The following NEURL1 variants were observed in gnomAD, a reference collection of about 807,000 sequenced individuals.
NEURL1 encodes E3 ubiquitin-protein ligase NEURL1.
NEURL1 carries 26 observed loss-of-function variants against 41.2 expected under a neutral mutation model. The observed-to-expected ratio is 0.63, with a 90% CI of 0.46 to 0.87. The LOEUF (loss-of-function observed/expected upper bound fraction) is 0.87. Ranked by LOEUF, NEURL1 falls within the 40% of genes least tolerant of loss-of-function variation. The probability of loss-of-function intolerance (pLI) is 0.00; values close to 1 mark genes in which losing one functional copy is unlikely to be tolerated. For missense variants in NEURL1, 761 were observed against 871.1 expected (o/e 0.87, Z 1.59); for synonymous variants, 400 against 402.3 (o/e 0.99, Z 0.07).
intron 4 of NEURL1, among the ~76,000 whole-genome samples, chr10:103,586,218 A>G (rs1403733249): frequency 6.6e-6 from 1 of 152,138 alleles, no homozygotes; most frequent in African/African-American, 2.4e-5. Flanking sequence ...TTTGGTGTAG[A>G]GTTTTTCCAT....
At position 103,534,386 on chromosome 10, in the gene NEURL1, C is replaced by G. The variant is rs2034648414; in HGVS notation, c.86-36486C>G. On this transcript the variant is annotated intron_variant, in intron 1 of 5. Transcript: ENST00000369780. ...TGTACATCTAGTGGATCAATCACCTCTTCCATTTTAGAATGGCTTTTGTAG... is the reference window on the plus strand; with the variant it reads ...TGTACATCTAGTGGATCAATCACCTGTTCCATTTTAGAATGGCTTTTGTAG... Among the ~76,000 whole-genome samples, 4 of 152,166 alleles carry G rather than the reference C, an allele frequency of 2.6e-5. 1 individual carries two copies. The South Asian group carries it at 8.3e-4, about 31-fold the overall frequency.
intron 2 of NEURL1, 28 bp downstream of exon 2, chr10:103,571,141 G>A (rs774208188): frequency 3.2e-5 from 49 of 1,532,418 alleles, no homozygotes; most frequent in Admixed American, 8.6e-5. Flanking sequence ...CCCCGCCCCC[G>A]CCTCCTGCTT....
intron 3 of NEURL1, among the ~76,000 whole-genome samples, chr10:103,581,681 T>C (rs1365740687): frequency 6.6e-6 from 1 of 152,174 alleles, no homozygotes; most frequent in African/African-American, 2.4e-5. Flanking sequence ...ATTAGAAGTA[T>C]AGCATATATA....
intron 1 of NEURL1, among the ~76,000 whole-genome samples, chr10:103,560,033 A>C (rs1006214572): frequency 3.9e-5 from 6 of 151,994 alleles, no homozygotes; most frequent in Admixed American, 1.3e-4. Context: ...ACACAAGTGC[A>C]CACATAAACA....
Position 103,533,961 on chromosome 10 carries a change from G to A in NEURL1, c.86-36911G>A, listed in dbSNP as rs146229338. On this transcript the variant is annotated intron_variant, in intron 1 of 5. Transcript: ENST00000369780. The stretch of plus-strand genomic sequence containing the variant: ...GCTGGGATTACAGGCGTGAACCACC[G>A]CGCCTAGCTCAAATGACCTACCTTT... Among the ~76,000 whole-genome samples the A allele has an allele frequency of 4.9e-3, 738 of 152,108 alleles. 3 individuals are homozygous for A. Among genetic ancestry groups the A allele is most frequent in the African/African-American group, 0.017 (687 of 41,520 alleles).
intron 1 of NEURL1, chr10:103,494,701 A>C (rs896786161): frequency 1.1e-5 from 6 of 535,506 alleles, no homozygotes; most frequent in Non-Finnish European, 2.0e-5. Context: ...TGGGAACGTC[A>C]CTGGAGTCCC....
intron 1 of NEURL1, among the ~76,000 whole-genome samples, chr10:103,514,645 CT>C (rs1380260095): frequency 2.0e-5 from 3 of 152,206 alleles, no homozygotes; most frequent in African/African-American, 7.2e-5. Context: ...GGAGTAGCCC[CT>C]GGCACTGTGG....
intron 1 of NEURL1, among the ~76,000 whole-genome samples, chr10:103,535,282 G>T (rs557287506): frequency 1.3e-5 from 2 of 152,246 alleles, no homozygotes; most frequent in African/African-American, 4.8e-5. Flanking sequence ...ACTCTAGAGG[G>T]CTAGCCCAGC....
At chr10:103,511,380 C>T (rs1307467490) in intron 1 of NEURL1, among the ~76,000 whole-genome samples, 1 of 152,194 alleles carries the variant, frequency 6.6e-6, no homozygotes, top group African/African-American at 2.4e-5. Context: ...AACCCACATG[C>T]TGACGCTGGT....
chr10:103,511,469 C>T (rs1335930269), intron 1 of NEURL1, among the ~76,000 whole-genome samples: 1 of 152,200 alleles, frequency 6.6e-6, no homozygotes, highest in African/African-American at 2.4e-5. Context: ...GAAAGGTAGG[C>T]AGGATAGAAT....
rs1258964424 is a variant in NEURL1 at position 103,588,317 on chromosome 10, AAAAAG to A, written c.1340-1193_1340-1189del. Among the ~76,000 whole-genome samples the A allele has an allele frequency of 1.7e-3, 261 of 151,820 alleles. 1 individual carries two copies. The highest frequency in any genetic ancestry group is 2.9e-3 in the Non-Finnish European group (195 of 67,912). On this transcript the variant is annotated intron_variant, in intron 4 of 5. Transcript: ENST00000369780. Reference sequence around the variant, plus strand: ...CAAGACTCCGTCTCAAAAAAAAAAAAAAAAGAAAGCTCATGGTTTCACTGGAGAAA... The same window carrying A: ...CAAGACTCCGTCTCAAAAAAAAAAAAAAAGCTCATGGTTTCACTGGAGAAA...
intron 1 of NEURL1, among the ~76,000 whole-genome samples, chr10:103,554,221 C>T (rs1377248316): frequency 6.6e-6 from 1 of 152,208 alleles, no homozygotes; most frequent in African/African-American, 2.4e-5. Flanking sequence ...TCCCTCTTCC[C>T]TGAGTGTGGG....
intron 1 of NEURL1, among the ~76,000 whole-genome samples, chr10:103,504,159 A>G (rs1484277741): frequency 6.6e-6 from 1 of 151,658 alleles, no homozygotes; most frequent in East Asian, 1.9e-4. Context: ...ACGCCCGGCT[A>G]ATTTTTGTAT....
Position 103,555,335 on chromosome 10 carries a change from A to C in NEURL1, c.86-15537A>C, listed in dbSNP as rs747042431. 7 of 1,302,262 alleles carry C rather than the reference A, an allele frequency of 5.4e-6. No homozygotes were observed. The East Asian group carries it at 4.0e-4, about 75-fold the overall frequency. The allele number at this position is 1,302,262 out of a possible 1,614,324, so 80.7% of individuals were successfully genotyped here. On this transcript the variant is annotated intron_variant, in intron 1 of 5. Transcript: ENST00000369780. ...AGCCGGCCGGGGCGACTCGGTGACCAGCCGGCCGGCCCAGCAGAGGTGGCT... is the reference window on the plus strand; with the variant it reads ...AGCCGGCCGGGGCGACTCGGTGACCCGCCGGCCGGCCCAGCAGAGGTGGCT...
Position 103,584,840 on chromosome 10 carries a change from C to T in NEURL1, c.954C>T (p.His318=). 2 of 1,407,818 alleles carry T rather than the reference C, an allele frequency of 1.4e-6. No homozygotes were observed. The highest frequency in any genetic ancestry group is 1.8e-6 in the Non-Finnish European group (2 of 1,090,432). 87.2% of individuals were successfully genotyped at this position (1,407,818 alleles called of 1,614,324 possible). The change falls in exon 4 of 6, where the codon CAC becomes CAT. Residue 318 remains histidine, a synonymous_variant. Coordinates refer to ENST00000369780, the MANE Select transcript of NEURL1 (RefSeq NM_004210.5). ...AGCAGACGGTGGCGCGCGTGGAGCA[C>T]GGGCGCGACGAGCGCGCGCTCGTCT... ...LDEQTVARVE[H]GRDERALVFT... is the part of the protein sequence containing the mutation.
chr10:103,495,882 T>G (rs1255304352), intron 1 of NEURL1, among the ~76,000 whole-genome samples: 2 of 152,246 alleles, frequency 1.3e-5, no homozygotes, highest in East Asian at 3.9e-4. Flanking sequence ...CTGAGGCAGG[T>G]GGATCACTTG....
chr10:103,547,388 C>T (rs1158464704), intron 1 of NEURL1, among the ~76,000 whole-genome samples: 2 of 152,262 alleles, frequency 1.3e-5, no homozygotes, highest in East Asian at 1.9e-4. Context: ...GTTGTAGCTA[C>T]TGACACCCAG....
At chr10:103,581,033 CCTGA>C (rs2035774094) in intron 3 of NEURL1, among the ~76,000 whole-genome samples, 1 of 152,176 alleles carries the variant, frequency 6.6e-6, no homozygotes, top group Non-Finnish European at 1.5e-5. Context: ...GACAGGTGTA[CCTGA>C]CTTTTAGTTG....
intron 1 of NEURL1, among the ~76,000 whole-genome samples, chr10:103,518,831 G>A (rs2034276620): frequency 6.6e-6 from 1 of 152,142 alleles, no homozygotes; most frequent in Non-Finnish European, 1.5e-5. Flanking sequence ...CTGTTACCAG[G>A]GGCTACCTCT....
Sources: allele counts gnomAD v4.1 joint callset (sites outside exome capture counted in the v4.1 genomes callset), GRCh38; gene constraint gnomAD v4.1.1; transcripts MANE v1.5; gene names NCBI Gene and HGNC (gene_info 2026-07-23, HGNC 2026-07-21).